Variants in PTPRQ observed in about 807,000 individuals in gnomAD.
PTPRQ encodes protein tyrosine phosphatase receptor type Q.
PTPRQ carries 199 observed loss-of-function variants against 246.0 expected under a neutral mutation model. The observed-to-expected ratio is 0.81, with a 90% CI of 0.72 to 0.91. The LOEUF is 0.91. Among genes scored for constraint, PTPRQ ranks in the 40% least tolerant of loss-of-function variants. The pLI is 0.00. For missense variants in PTPRQ, 2,624 were observed against 2,528.4 expected (o/e 1.04, Z -0.81); for synonymous variants, 869 against 853.2 (o/e 1.02, Z -0.32).
Position 80,506,186 on chromosome 12 carries a change from C to T in PTPRQ, c.2435C>T (p.Ser812Phe). ...GAGGAAAGAACTATAAATACAACCT[C>T]TTTAACCCAAAACATTAAAGGTAAA... ...GNEERTINTT[S>F]LTQNIKVLKK... is the part of the protein sequence containing the mutation. The change falls in exon 15 of 45, where the codon TCT becomes TTT. Residue 812 changes from serine to phenylalanine, a missense_variant. Physicochemically the swap from Ser to Phe is radical, Grantham distance 155. Transcript: ENST00000644991. 6.7e-7 allele frequency: 1 copy of T among 1,493,854 alleles called. No individual in the cohort carries two copies. The highest frequency in any genetic ancestry group is 8.9e-7 in the Non-Finnish European group (1 of 1,125,368). 92.5% of individuals were successfully genotyped at this position (1,493,854 alleles called of 1,614,324 possible). A position where few individuals can be genotyped will look rare whatever the true frequency, so the allele number is the denominator to read the frequency against.
chr12:80,462,031 G>T (rs1186018164), intron 6 of PTPRQ: 2 of 701,322 alleles, frequency 2.9e-6, no homozygotes, highest in African/African-American at 3.5e-5. Context: ...TGCGTGCAGT[G>T]CGCCGTGAGA....
chr12:80,463,309 T>C (rs1893267540), intron 6 of PTPRQ, among the ~76,000 whole-genome samples: 2 of 151,684 alleles, frequency 1.3e-5, no homozygotes, highest in South Asian at 4.2e-4. Flanking sequence ...AGAAGGGAAG[T>C]TTAGAGAAAA....
At chr12:80,478,898 G>C (rs1437214758) in intron 8 of PTPRQ, among the ~76,000 whole-genome samples, 1 of 152,184 alleles carries the variant, frequency 6.6e-6, no homozygotes, top group African/African-American at 2.4e-5. Flanking sequence ...ATCTACGTCT[G>C]ATTGGTGTAC....
chr12:80,587,452 C>T (rs1031608131), intron 25 of PTPRQ, among the ~76,000 whole-genome samples: 3 of 152,104 alleles, frequency 2.0e-5, no homozygotes, highest in Non-Finnish European at 4.4e-5. Flanking sequence ...AATAAACTGT[C>T]TCTTGAAAAC....
chr12:80,675,547 G>A (rs1268249499), intron 43 of PTPRQ, among the ~76,000 whole-genome samples: 2 of 152,278 alleles, frequency 1.3e-5, no homozygotes, highest in East Asian at 3.9e-4. Flanking sequence ...CTCTTGGGTA[G>A]GATAGAGGAT....
In PTPRQ at chr12:80,494,931, A is replaced by C; in HGVS notation, c.1541-2A>C. The C allele has an allele frequency of 6.6e-7, 1 of 1,525,208 alleles. No individual in the cohort carries two copies. The highest frequency in any genetic ancestry group is 8.8e-7 in the Non-Finnish European group (1 of 1,135,006). The allele number at this position is 1,525,208 out of a possible 1,614,324, so 94.5% of individuals were successfully genotyped here. A position where few individuals can be genotyped will look rare whatever the true frequency, so the allele number is the denominator to read the frequency against. On this transcript the variant is annotated splice_acceptor_variant, in intron 10 of 44. Transcript: ENST00000644991. LOFTEE classifies it high-confidence loss of function. ...TTTTCTCTTTTTACTGAATTCAAACAGTAACTACAAGGAATCAGTATATTA... is the reference window on the plus strand; with the variant it reads ...TTTTCTCTTTTTACTGAATTCAAACCGTAACTACAAGGAATCAGTATATTA...
intron 26 of PTPRQ, among the ~76,000 whole-genome samples, chr12:80,591,076 G>T (rs1222951739): frequency 6.8e-6 from 1 of 146,290 alleles, no homozygotes; most frequent in Non-Finnish European, 1.5e-5. Context: ...ATAATTACAC[G>T]ATCATTTTTA....
At chr12:80,477,726 G>C (rs1372511901) in intron 8 of PTPRQ, among the ~76,000 whole-genome samples, 1 of 152,166 alleles carries the variant, frequency 6.6e-6, no homozygotes, top group African/African-American at 2.4e-5. Flanking sequence ...AAGCGCAAGG[G>C]GTCAGGGAGT....
chr12:80,457,981 C>A (rs1015409225), intron 4 of PTPRQ, among the ~76,000 whole-genome samples: 1 of 151,976 alleles, frequency 6.6e-6, no homozygotes, highest in African/African-American at 2.4e-5. Context: ...ATCTATATGA[C>A]TATACATTAA....
chr12:80,455,696 T>G (rs1592524357), intron 3 of PTPRQ, among the ~76,000 whole-genome samples: 1 of 151,598 alleles, frequency 6.6e-6, no homozygotes, highest in African/African-American at 2.4e-5. Context: ...GTTCACGCCA[T>G]TCTCCTGCCT....
At chr12:80,580,153 AT>A (rs1897390101) in intron 25 of PTPRQ, among the ~76,000 whole-genome samples, 1 of 152,182 alleles carries the variant, frequency 6.6e-6, no homozygotes, top group Non-Finnish European at 1.5e-5. Context: ...TCTAAGTAGA[AT>A]TTACTGGTCA....
chr12:80,579,840 A>T (rs972663709), intron 25 of PTPRQ, among the ~76,000 whole-genome samples: 4 of 152,172 alleles, frequency 2.6e-5, no homozygotes, highest in African/African-American at 9.7e-5. Flanking sequence ...TAGAGACAAA[A>T]ATATTCTTAA....
At chr12:80,517,057 C>G (rs1444285201) in intron 17 of PTPRQ, among the ~76,000 whole-genome samples, 1 of 152,136 alleles carries the variant, frequency 6.6e-6, no homozygotes, top group African/African-American at 2.4e-5. Flanking sequence ...AATGTTCTCT[C>G]TCAACTCTTT....
At chr12:80,613,928 C>T (rs907811611) in intron 29 of PTPRQ, 92 bp downstream of exon 29, 44 of 1,328,346 alleles carry the variant, frequency 3.3e-5, no homozygotes, top group Non-Finnish European at 4.1e-5. Flanking sequence ...GTACACATGA[C>T]ATTTCCCATA....
Position 80,608,645 on chromosome 12 carries a change from G to A in PTPRQ, c.4732-1794G>A, listed in dbSNP as rs550342205. On this transcript the variant is annotated intron_variant, in intron 27 of 44. Transcript: ENST00000644991. The stretch of plus-strand genomic sequence containing the variant: ...AACCCAGTGACCTTGTGGAAGTGTA[G>A]AATTCTATGGACTCTTGAAAGACCT... Among the ~76,000 whole-genome samples, 25 of 146,518 alleles carry A rather than the reference G, an allele frequency of 1.7e-4. No homozygotes were observed. In the South Asian group the frequency reaches 5.4e-3, roughly 32 times the overall value.
chr12:80,601,870 G>A (rs1457308628), intron 26 of PTPRQ, among the ~76,000 whole-genome samples: 1 of 151,718 alleles, frequency 6.6e-6, no homozygotes. Context: ...ACAATTTGAG[G>A]CAGTTTTCCT....
intron 6 of PTPRQ, chr12:80,462,364 G>A (rs530044880): frequency 1.6e-5 from 3 of 193,294 alleles, no homozygotes; most frequent in Non-Finnish European, 3.2e-5. Flanking sequence ...CAGCCTGGAA[G>A]CTCCAACTGG....
chr12:80,657,044 C>T (rs1399806398), intron 38 of PTPRQ, among the ~76,000 whole-genome samples: 4 of 151,678 alleles, frequency 2.6e-5, no homozygotes, highest in African/African-American at 9.7e-5. Context: ...AATTTGATTG[C>T]ATAACAATAT....
rs181664431 is a variant in PTPRQ at position 80,571,493 on chromosome 12, G to A, written c.4286-16636G>A. Among the ~76,000 whole-genome samples the A allele has an allele frequency of 3.4e-4, 52 of 152,228 alleles. 2 individuals are homozygous for A. Among genetic ancestry groups the A allele is most frequent in the Admixed American group, 3.1e-3 (48 of 15,290 alleles). On this transcript the variant is annotated intron_variant, in intron 25 of 44. Transcript: ENST00000644991. ...AATATTATGTTCCAGTCAATAGCTTGACTTTCTGTTTTCTTAATGGCACCT... is the reference window on the plus strand; with the variant it reads ...AATATTATGTTCCAGTCAATAGCTTAACTTTCTGTTTTCTTAATGGCACCT...
Sources: gnomAD v4.1 joint callset for allele counts (sites outside exome capture counted in the v4.1 genomes callset) on GRCh38, gnomAD v4.1.1 for gene constraint, MANE v1.5 for transcripts, NCBI Gene and HGNC (gene_info 2026-07-23, HGNC 2026-07-21) for gene names.